Variants in ADCY1 observed in about 807,000 individuals in gnomAD.
ADCY1 encodes the protein adenylate cyclase type 1.
A neutral mutation model predicts 105.4 loss-of-function variants in ADCY1; 28 were observed. The observed-to-expected ratio is 0.27, with a 90% CI of 0.20 to 0.36. ADCY1 has a LOEUF of 0.36. ADCY1 is among the 10% of genes least tolerant of loss of function. The pLI, the probability that ADCY1 is intolerant of heterozygous loss-of-function variation, is 1.00. For synonymous variants in ADCY1, 655 were observed against 623.8 expected (o/e 1.05, Z -0.75); for missense variants, 977 against 1,434.2 (o/e 0.68, Z 5.15).
At chr7:45,634,449 A>G (rs11760377) in intron 4 of ADCY1, among the ~76,000 whole-genome samples, 32,020 of 148,850 alleles carry the variant, frequency 0.22, 4,082 homozygotes, top group East Asian at 0.51. Flanking sequence ...TTTGATTCAG[A>G]AATGGATGTT....
chr7:45,585,833 G>T (rs1317377171), intron 1 of ADCY1, among the ~76,000 whole-genome samples: 1 of 152,144 alleles, frequency 6.6e-6, no homozygotes, highest in African/African-American at 2.4e-5. Flanking sequence ...CTCAGCTGAT[G>T]GTGTGACTCC....
At chr7:45,672,426 CT>C (rs1168134507) in intron 8 of ADCY1, among the ~76,000 whole-genome samples, 1 of 149,368 alleles carries the variant, frequency 6.7e-6, no homozygotes, top group African/African-American at 2.5e-5. Flanking sequence ...GTCCCTTTTC[CT>C]TTCTGTTTGC....
intron 2 of ADCY1, among the ~76,000 whole-genome samples, chr7:45,600,502 C>T (rs552239543): frequency 3.0e-4 from 46 of 152,200 alleles, no homozygotes; most frequent in African/African-American, 1.1e-3. Flanking sequence ...TGGGACAGCA[C>T]GTCAGTTAGA....
intron 14 of ADCY1, among the ~76,000 whole-genome samples, chr7:45,697,131 G>A (rs1011158422): frequency 3.3e-5 from 5 of 152,150 alleles, no homozygotes; most frequent in African/African-American, 1.2e-4. Flanking sequence ...ATTTCCAGCA[G>A]ATCCTACCCC....
chr7:45,592,830 T>C lies in ADCY1; in HGVS notation c.711T>C (p.Arg237=). The change falls in exon 2 of 20, where the codon CGT becomes CGC. Residue 237 remains arginine, a synonymous_variant. Transcript: ENST00000297323. ...YGVFVRILTE[R]SQRKAFLQAR... is the part of the protein sequence containing the mutation. ...TCTTTGTGCGGATTCTGACTGAGCG[T>C]TCACAGAGGAAGGCGTTCCTGCAGG... The C allele has an allele frequency of 6.2e-7, 1 of 1,614,202 alleles. No homozygotes were observed. The highest frequency in any genetic ancestry group is 1.1e-5 in the South Asian group (1 of 91,084).
intron 3 of ADCY1, among the ~76,000 whole-genome samples, chr7:45,618,152 G>T (rs1038160812): frequency 3.3e-5 from 5 of 152,162 alleles, no homozygotes; most frequent in Admixed American, 6.5e-5. Context: ...TTCAATAAAT[G>T]GTGCTGGGAA....
chr7:45,721,847 T>C lies in ADCY1; in HGVS notation c.*7852T>C. 2.5e-6 allele frequency: 1 copy of C among 398,588 alleles called. No individual in the cohort carries two copies. Among genetic ancestry groups the C allele is most frequent in the Non-Finnish European group, 4.4e-6 (1 of 226,064 alleles). 24.7% of individuals were successfully genotyped at this position (398,588 alleles called of 1,614,324 possible). On this transcript the variant is annotated 3_prime_UTR_variant, in exon 20 of 20. Transcript: ENST00000297323. ...GTACCGGGCGGTTCAGACCTTCAAA[T>C]AGGTTGCTTTCAAAAGAGCTTTCAG... is the stretch of plus-strand genomic sequence containing the variant.
At chr7:45,695,276 T>G (rs1304968433) in intron 14 of ADCY1, among the ~76,000 whole-genome samples, 2 of 152,226 alleles carry the variant, frequency 1.3e-5, no homozygotes, top group African/African-American at 2.4e-5. Flanking sequence ...TTCCTGTTAC[T>G]CCATCTTTTC....
chr7:45,674,591 C>G (rs1784422741), intron 8 of ADCY1, among the ~76,000 whole-genome samples: 1 of 152,166 alleles, frequency 6.6e-6, no homozygotes, highest in Admixed American at 6.5e-5. Context: ...CCAGGCTGGT[C>G]TTGAACTCCT....
intron 11 of ADCY1, among the ~76,000 whole-genome samples, chr7:45,683,385 C>A (rs7778636): frequency 0.13 from 19,667 of 152,094 alleles, 1,702 homozygotes; most frequent in East Asian, 0.35. Flanking sequence ...CCCAGGGGAA[C>A]TGCCCAAAGT....
chr7:45,632,706 G>A (rs887447167), intron 4 of ADCY1, among the ~76,000 whole-genome samples: 1 of 152,008 alleles, frequency 6.6e-6, no homozygotes, highest in African/African-American at 2.4e-5. Context: ...TGGGACGACA[G>A]GCACATGCCA....
chr7:45,590,013 G>A (rs1792861148), intron 1 of ADCY1, among the ~76,000 whole-genome samples: 1 of 152,182 alleles, frequency 6.6e-6, no homozygotes, highest in Admixed American at 6.5e-5. Flanking sequence ...AACGAAAAGA[G>A]AGGAGTGGCT....
chr7:45,587,000 C>T (rs1417365936), intron 1 of ADCY1, among the ~76,000 whole-genome samples: 1 of 152,200 alleles, frequency 6.6e-6, no homozygotes, highest in Non-Finnish European at 1.5e-5. Context: ...TTCTCCTGTC[C>T]CCATGGATAG....
intron 5 of ADCY1, among the ~76,000 whole-genome samples, chr7:45,650,827 G>A (rs1048274633): frequency 7.2e-5 from 11 of 152,076 alleles, no homozygotes; most frequent in African/African-American, 2.2e-4. Context: ...CTTCCTGACC[G>A]CTGCCCAGGA....
rs1205471415 is a variant in ADCY1 at position 45,589,528 on chromosome 7, G to A, written c.640-3231G>A. Among the ~76,000 whole-genome samples, 3 of 152,152 alleles carry A rather than the reference G, an allele frequency of 2.0e-5. No homozygotes were observed. The East Asian group carries it at 5.8e-4, about 29-fold the overall frequency. ...TGACATGCATCTTTTGGATCTAAATGCCCCTCTAGCCGTGAGTTCAGAGAG... is the reference window on the plus strand; with the variant it reads ...TGACATGCATCTTTTGGATCTAAATACCCCTCTAGCCGTGAGTTCAGAGAG... On this transcript the variant is annotated intron_variant, in intron 1 of 19. Transcript: ENST00000297323.
At chr7:45,700,857 G>A (rs1784983427) in intron 14 of ADCY1, among the ~76,000 whole-genome samples, 1 of 152,154 alleles carries the variant, frequency 6.6e-6, no homozygotes, top group Admixed American at 6.5e-5. Flanking sequence ...GACTGTGGGG[G>A]TCACTCATAG....
chr7:45,649,945 C>T (rs1794764573), intron 5 of ADCY1, among the ~76,000 whole-genome samples: 1 of 152,146 alleles, frequency 6.6e-6, no homozygotes, highest in African/African-American at 2.4e-5. Context: ...CACAGCCTAA[C>T]AGAGAGCCAT....
chr7:45,665,363 G>A (rs185343381), intron 8 of ADCY1, among the ~76,000 whole-genome samples: 2 of 152,236 alleles, frequency 1.3e-5, no homozygotes, highest in East Asian at 1.9e-4. Context: ...TACGCTCATC[G>A]CCCACTGGGC....
chr7:45,610,558 G>C, intron 3 of ADCY1, 61 bp downstream of exon 3: 3 of 1,429,342 alleles, frequency 2.1e-6, no homozygotes, highest in Non-Finnish European at 2.0e-6. Flanking sequence ...TGGAGATAAT[G>C]GTGAAGGTGG....
Sources: allele counts gnomAD v4.1 joint callset (sites outside exome capture counted in the v4.1 genomes callset), GRCh38; gene constraint gnomAD v4.1.1; transcripts MANE v1.5; gene names NCBI Gene and HGNC (gene_info 2026-07-23, HGNC 2026-07-21).